GRM3: variants seen among roughly 807,000 people sequenced by gnomAD.
GRM3 encodes glutamate metabotropic receptor 3.
A neutral mutation model predicts 70.5 loss-of-function variants in GRM3; 26 were observed. The ratio of observed to expected loss-of-function variants is 0.37; its 90% CI spans 0.27 to 0.51. The LOEUF (loss-of-function observed/expected upper bound fraction) is 0.51. Among genes scored for constraint, GRM3 ranks in the 20% least tolerant of loss-of-function variants. GRM3 has a pLI of 0.93. For missense variants in GRM3, 859 were observed against 1,123.8 expected (o/e 0.76, Z 3.37); for synonymous variants, 443 against 434.9 (o/e 1.02, Z -0.23).
At chr7:86,804,654 G>A (rs549896223) in intron 3 of GRM3, among the ~76,000 whole-genome samples, 12 of 152,228 alleles carry the variant, frequency 7.9e-5, no homozygotes, top group East Asian at 1.9e-4. Flanking sequence ...CAGATGATCC[G>A]CCCGCCTTGG....
intron 1 of GRM3, chr7:86,710,000 A>T: frequency 6.6e-6 from 1 of 152,030 alleles, no homozygotes; most frequent in Non-Finnish European, 1.5e-5. Flanking sequence ...TCTTGCTATT[A>T]AAAAATGGAG....
intron 2 of GRM3, among the ~76,000 whole-genome samples, chr7:86,782,987 T>C (rs1235476778): frequency 6.6e-6 from 1 of 152,216 alleles, no homozygotes; most frequent in African/African-American, 2.4e-5. Flanking sequence ...TCTAAAACAA[T>C]TTTTCTTTTA....
Position 86,786,147 on chromosome 7 carries a change from T to A in GRM3, c.469-114T>A, listed in dbSNP as rs1797233648. 1.2e-6 allele frequency: 1 copy of A among 866,248 alleles called. No individual in the cohort carries two copies. Among genetic ancestry groups the A allele is most frequent in the Non-Finnish European group, 1.8e-6 (1 of 549,042 alleles). The allele number at this position is 866,248 out of a possible 1,614,324, so 53.7% of individuals were successfully genotyped here. A position where few individuals can be genotyped will look rare whatever the true frequency, so the allele number is the denominator to read the frequency against. ...AAGAACTAACAGAAAAATGTAGCCA[T>A]CTAGAGTAGAGGGAAAAGGGAGTCA... On this transcript the variant is annotated intron_variant, in intron 2 of 5. Transcript: ENST00000361669. The surrounding 1 kb of genome is among the most constrained non-coding windows in gnomAD (Gnocchi z 6.0).
chr7:86,766,676 T>A (rs941001807), intron 2 of GRM3, among the ~76,000 whole-genome samples: 2 of 152,138 alleles, frequency 1.3e-5, no homozygotes, highest in African/African-American at 4.8e-5. Flanking sequence ...CATGTGATAT[T>A]TATATGTTAC....
intron 3 of GRM3, among the ~76,000 whole-genome samples, chr7:86,808,682 A>G (rs755474656): frequency 8.6e-5 from 13 of 152,040 alleles, no homozygotes; most frequent in Non-Finnish European, 1.6e-4. Flanking sequence ...TAATGTAATC[A>G]AAAGAAACCT....
chr7:86,709,985 G>T (rs1795155556), intron 1 of GRM3: 1 of 151,994 alleles, frequency 6.6e-6, no homozygotes, highest in African/African-American at 2.4e-5. Context: ...CAATATGATG[G>T]CATGTCTTGC....
At chr7:86,778,456 A>T (rs1796954399) in intron 2 of GRM3, among the ~76,000 whole-genome samples, 1 of 152,176 alleles carries the variant, frequency 6.6e-6, no homozygotes, top group Non-Finnish European at 1.5e-5. Context: ...TTGAAAAAAA[A>T]ATATTTGGCA....
intron 3 of GRM3, among the ~76,000 whole-genome samples, chr7:86,820,381 A>C (rs1798095775): frequency 6.6e-6 from 1 of 152,134 alleles, no homozygotes; most frequent in African/African-American, 2.4e-5. Flanking sequence ...AGAGGACATT[A>C]CTGTTACCTC....
At chr7:86,792,650 G>T (rs1009442752) in intron 3 of GRM3, among the ~76,000 whole-genome samples, 1 of 152,190 alleles carries the variant, frequency 6.6e-6, no homozygotes, top group African/African-American at 2.4e-5. Context: ...GCTGGGACCT[G>T]AGGACCCAAC....
chr7:86,655,109 T>C (rs1793701515), intron 1 of GRM3, among the ~76,000 whole-genome samples: 2 of 152,208 alleles, frequency 1.3e-5, no homozygotes, highest in South Asian at 4.1e-4. Context: ...CCCTGGTGTA[T>C]CTTTCCAATC....
chr7:86,815,864 T>C (rs529720635), intron 3 of GRM3, among the ~76,000 whole-genome samples: 8 of 151,936 alleles, frequency 5.3e-5, no homozygotes, highest in Non-Finnish European at 1.0e-4. Flanking sequence ...TGCCAACTCA[T>C]GTTACAGAAG....
chr7:86,652,342 T>C (rs1793627689), intron 1 of GRM3, among the ~76,000 whole-genome samples: 1 of 152,178 alleles, frequency 6.6e-6, no homozygotes. Flanking sequence ...GTTGTTGTTC[T>C]TTTTTTGAGA....
chr7:86,844,561 G>GA (rs57497364), intron 4 of GRM3, among the ~76,000 whole-genome samples: 17,002 of 152,090 alleles, frequency 0.11, 1,658 homozygotes, highest in African/African-American at 0.27. Context: ...CATTTTAGTA[G>GA]AAAAAATCAG....
Position 86,703,097 on chromosome 7 carries a change from A to G in GRM3, c.-141+58225A>G, listed in dbSNP as rs575244384. Among the ~76,000 whole-genome samples the G allele has an allele frequency of 1.2e-4, 18 of 152,076 alleles. No homozygotes were observed. The South Asian group carries it at 2.9e-3, about 24-fold the overall frequency. On this transcript the variant is annotated intron_variant, in intron 1 of 5. Coordinates refer to ENST00000361669, the MANE Select transcript of GRM3 (RefSeq NM_000840.3). ...GGAAACCCTGACAATGAGACAAAAT[A>G]TGTTGGGGTTTTTTTTCCAGATAAA...
chr7:86,652,424 G>A (rs1421866487), intron 1 of GRM3, among the ~76,000 whole-genome samples: 6 of 152,162 alleles, frequency 3.9e-5, no homozygotes, highest in African/African-American at 9.6e-5. Context: ...TCCGCCTCCC[G>A]GATTCAAGCG....
chr7:86,691,330 C>T (rs375584277), intron 1 of GRM3, among the ~76,000 whole-genome samples: 10 of 152,150 alleles, frequency 6.6e-5, no homozygotes, highest in Non-Finnish European at 1.3e-4. Flanking sequence ...CTGCATTCTC[C>T]ATTAAGCAGC....
At chr7:86,705,829 G>GA (rs1335380233) in intron 1 of GRM3, among the ~76,000 whole-genome samples, 1 of 151,918 alleles carries the variant, frequency 6.6e-6, no homozygotes, top group African/African-American at 2.4e-5. Context: ...CTCCCCTTTG[G>GA]AAAAACTTGT....
intron 2 of GRM3, among the ~76,000 whole-genome samples, chr7:86,773,534 T>C (rs1466814154): frequency 6.6e-6 from 1 of 152,004 alleles, no homozygotes; most frequent in African/African-American, 2.4e-5. Context: ...CCCCCTCACA[T>C]AGTCTAAGCT....
chr7:86,686,567 A>G (rs1488992921), intron 1 of GRM3, among the ~76,000 whole-genome samples: 3 of 152,242 alleles, frequency 2.0e-5, no homozygotes, highest in African/African-American at 7.2e-5. Context: ...TTGAGAGTCT[A>G]TAAAGCCTCA....
Sources: allele counts gnomAD v4.1 joint callset (sites outside exome capture counted in the v4.1 genomes callset), GRCh38; gene constraint gnomAD v4.1.1; non-coding constraint Gnocchi (gnomAD v3.1); transcripts MANE v1.5; gene names NCBI Gene and HGNC (gene_info 2026-07-23, HGNC 2026-07-21).